Variants in VIPR2 observed in about 807,000 individuals in gnomAD.
The protein encoded by VIPR2 is vasoactive intestinal polypeptide receptor 2.
A neutral mutation model predicts 58.0 loss-of-function variants in VIPR2; 48 were observed. That is an observed-to-expected ratio of 0.83 (90% CI 0.66 to 1.05). The LOEUF is 1.05. Ranked by LOEUF, VIPR2 falls within the 50% of genes least tolerant of loss-of-function variation. The pLI is 0.00. For synonymous variants in VIPR2, 243 were observed against 235.2 expected, an observed-to-expected ratio of 1.03 and a Z score of -0.30; for missense variants, 534 against 558.0, an observed-to-expected ratio of 0.96 and a Z score of 0.43.
At chr7:159,136,500 AC>A (rs1410717414) in intron 2 of VIPR2, among the ~76,000 whole-genome samples, 5 of 152,096 alleles carry the variant, frequency 3.3e-5, no homozygotes, top group Admixed American at 2.6e-4. Context: ...ATGAAAGCGC[AC>A]ATTAGTGTCC....
chr7:159,097,201 G>C lies in VIPR2; in HGVS notation c.357+6556C>G. The C allele has an allele frequency of 7.0e-7, 1 of 1,429,924 alleles. No homozygotes were observed. The highest frequency in any genetic ancestry group is 9.2e-7 in the Non-Finnish European group (1 of 1,088,414). The allele number at this position is 1,429,924 out of a possible 1,614,324, so 88.6% of individuals were successfully genotyped here. A position where few individuals can be genotyped will look rare whatever the true frequency, so the allele number is the denominator to read the frequency against. On this transcript the variant is annotated intron_variant, in intron 4 of 12. Transcript: ENST00000262178. This position sits in a 1 kb window ranked among gnomAD's most constrained non-coding sequence, Gnocchi z 5.3. The stretch of plus-strand genomic sequence containing the variant: ...AGGGATGGGAGCCCTGGGGAGTGAA[G>C]TTTGCCATCAGTGGGAACGAGTCAC...
At chr7:159,086,858 C>T (rs777239861) in intron 4 of VIPR2, among the ~76,000 whole-genome samples, 1 of 152,220 alleles carries the variant, frequency 6.6e-6, no homozygotes, top group Non-Finnish European at 1.5e-5. Flanking sequence ...TCTGAAGCAG[C>T]AAAAGTGCAT....
At chr7:159,108,071 GT>G (rs1261229464) in intron 3 of VIPR2, among the ~76,000 whole-genome samples, 1 of 152,224 alleles carries the variant, frequency 6.6e-6, no homozygotes, top group Non-Finnish European at 1.5e-5. Flanking sequence ...CTCCTTACAG[GT>G]CATGGGAGGA....
chr7:159,119,949 C>T (rs769965572), intron 2 of VIPR2, among the ~76,000 whole-genome samples: 7 of 151,618 alleles, frequency 4.6e-5, no homozygotes, highest in Non-Finnish European at 1.0e-4. Flanking sequence ...AAATGCTTGT[C>T]CCCTTGATGC....
intron 2 of VIPR2, among the ~76,000 whole-genome samples, chr7:159,129,155 G>C (rs1354558405): frequency 1.2e-5 from 1 of 86,576 alleles, no homozygotes; most frequent in Non-Finnish European, 2.5e-5. Flanking sequence ...GGACAGGGCT[G>C]GGGGGACAGG....
intron 4 of VIPR2, among the ~76,000 whole-genome samples, chr7:159,066,028 G>C (rs1480531430): frequency 6.6e-6 from 1 of 152,224 alleles, no homozygotes; most frequent in African/African-American, 2.4e-5. Context: ...GCCTGCTCCC[G>C]CACTGTCCAT....
At chr7:159,144,210 T>G in intron 1 of VIPR2, 1 of 1,254,944 alleles carries the variant, frequency 8.0e-7, no homozygotes, top group Non-Finnish European at 1.0e-6. Context: ...GAGCAGTTAG[T>G]TCCTCCAGTG....
chr7:159,124,808 C>T lies in VIPR2; in HGVS notation c.152-14889G>A, dbSNP rs370228683. ...CATTTGTTTGTGTCACCTCTGATTT[C>T]TTTGAGCAGTGTTTTATAATTCTCA... On this transcript the variant is annotated intron_variant, in intron 2 of 12. Coordinates refer to ENST00000262178, the MANE Select transcript of VIPR2 (RefSeq NM_003382.5). Among the ~76,000 whole-genome samples the T allele has an allele frequency of 2.0e-4, 31 of 152,238 alleles. 1 individual carries two copies. The highest frequency in any genetic ancestry group is 7.5e-4 in the African/African-American group (31 of 41,534).
chr7:159,056,130 A>G (rs3793217), intron 5 of VIPR2, among the ~76,000 whole-genome samples: 16,734 of 152,138 alleles, frequency 0.11, 1,071 homozygotes, highest in East Asian at 0.15. Flanking sequence ...GGCAGTACTT[A>G]CCTGATGATG....
intron 5 of VIPR2, among the ~76,000 whole-genome samples, chr7:159,058,133 ATCTC>A (rs1855427727): frequency 2.0e-5 from 3 of 152,348 alleles, no homozygotes; most frequent in Non-Finnish European, 2.9e-5. Context: ...ACGTCGTAGC[ATCTC>A]TCTAATAGAG....
At chr7:159,141,722 A>G (rs1797472937) in intron 2 of VIPR2, among the ~76,000 whole-genome samples, 2 of 152,230 alleles carry the variant, frequency 1.3e-5, no homozygotes, top group Admixed American at 1.3e-4. Context: ...GGGCAGGGCT[A>G]TTCTTGAATA....
At chr7:159,140,169 A>AT (rs1797406715) in intron 2 of VIPR2, among the ~76,000 whole-genome samples, 1 of 152,076 alleles carries the variant, frequency 6.6e-6, no homozygotes, top group Admixed American at 6.5e-5. Flanking sequence ...TGGAAGCTAG[A>AT]TTTTTTTCAC....
In VIPR2 at chr7:159,098,313, A is replaced by G. The variant is rs1226260924; in HGVS notation, c.357+5444T>C. ...GTGGTGCTCGAGAACTGTGGCTTACAGTGCGGGTGGGCAAGCGGAGAGGAG... is the reference window on the plus strand; with the variant it reads ...GTGGTGCTCGAGAACTGTGGCTTACGGTGCGGGTGGGCAAGCGGAGAGGAG... On this transcript the variant is annotated intron_variant, in intron 4 of 12. Transcript: ENST00000262178. The surrounding 1 kb of genome is among the most constrained non-coding windows in gnomAD (Gnocchi z 5.2). Among the ~76,000 whole-genome samples the G allele has an allele frequency of 2.0e-5, 3 of 152,214 alleles. No homozygotes were observed. Among genetic ancestry groups the G allele is most frequent in the African/African-American group, 7.2e-5 (3 of 41,558 alleles).
intron 4 of VIPR2, among the ~76,000 whole-genome samples, chr7:159,075,361 C>A (rs905608961): frequency 1.3e-5 from 2 of 152,240 alleles, no homozygotes; most frequent in African/African-American, 4.8e-5. Flanking sequence ...GAGAATTAAG[C>A]TTATGAACTT....
intron 3 of VIPR2, among the ~76,000 whole-genome samples, chr7:159,106,273 C>CT (rs1858642694): frequency 1.3e-5 from 2 of 152,264 alleles, no homozygotes; most frequent in South Asian, 4.1e-4. Flanking sequence ...GAAAGTCATT[C>CT]TATGAAGTGC....
chr7:159,095,933 T>C lies in VIPR2; in HGVS notation c.357+7824A>G, dbSNP rs1231113399. Among the ~76,000 whole-genome samples the C allele has an allele frequency of 6.6e-6, 1 of 152,162 alleles. No individual in the cohort carries two copies. Among genetic ancestry groups the C allele is most frequent in the African/African-American group, 2.4e-5 (1 of 41,426 alleles). ...ATGCTGAGTCCTGAAGCATGTGCTG[T>C]GTGTCCTGGAGGGGCCAGTGTGGTG... is the stretch of plus-strand genomic sequence containing the variant. On this transcript the variant is annotated intron_variant, in intron 4 of 12. Coordinates refer to ENST00000262178, the MANE Select transcript of VIPR2 (RefSeq NM_003382.5). This position sits in a 1 kb window ranked among gnomAD's most constrained non-coding sequence, Gnocchi z 5.2.
rs1480844092 is a variant in VIPR2 at position 159,127,971 on chromosome 7, T to A, written c.151+14475A>T. 6.6e-6 allele frequency among the ~76,000 whole-genome samples: 1 copy of A among 152,178 alleles called. No individual in the cohort carries two copies. The highest frequency in any genetic ancestry group is 2.4e-5 in the African/African-American group (1 of 41,436). On this transcript the variant is annotated intron_variant, in intron 2 of 12. Coordinates refer to ENST00000262178, the MANE Select transcript of VIPR2 (RefSeq NM_003382.5). This position sits in a 1 kb window ranked among gnomAD's most constrained non-coding sequence, Gnocchi z 4.6. Reference sequence around the variant, plus strand: ...TCTTCCATAGATTTATGATTGGGACTTGTGTCTCTTCCTGGATCATCCCAG... The same window carrying A: ...TCTTCCATAGATTTATGATTGGGACATGTGTCTCTTCCTGGATCATCCCAG...
At chr7:159,112,946 C>T (rs1796094379) in intron 2 of VIPR2, among the ~76,000 whole-genome samples, 1 of 151,818 alleles carries the variant, frequency 6.6e-6, no homozygotes, top group Non-Finnish European at 1.5e-5. Flanking sequence ...GATCCCCAAC[C>T]GAGGACCCCG....
At position 159,036,734 on chromosome 7, in the gene VIPR2, G is replaced by A. The variant is rs773960364; in HGVS notation, c.748+18C>T. The stretch of plus-strand genomic sequence containing the variant: ...GGGATGGGATGGAGGGTTTGTGGGT[G>A]GGAAGGGGCACACTTACCCCATCCG... On this transcript the variant is annotated intron_variant, in intron 7 of 12. Transcript: ENST00000262178. 1.2e-6 allele frequency: 2 copies of A among 1,605,432 alleles called. No individual in the cohort carries two copies. Among genetic ancestry groups the A allele is most frequent in the African/African-American group, 1.3e-5 (1 of 74,770 alleles).
Sources: gnomAD v4.1 joint callset for allele counts (sites outside exome capture counted in the v4.1 genomes callset) on GRCh38, gnomAD v4.1.1 for gene constraint, Gnocchi (gnomAD v3.1) non-coding constraint, MANE v1.5 for transcripts, NCBI Gene and HGNC (gene_info 2026-07-23, HGNC 2026-07-21) for gene names.